The following RFTN2 variants were observed in gnomAD, a reference collection of about 807,000 sequenced individuals.
RFTN2 encodes the protein raftlin family member 2.
Under a neutral mutation model 52.7 loss-of-function variants are expected in RFTN2, and 34 were observed. The observed-to-expected ratio is 0.64, with a 90% CI of 0.49 to 0.86. RFTN2 has a LOEUF of 0.86. Among genes scored for constraint, RFTN2 ranks in the 40% least tolerant of loss-of-function variants. The probability of loss-of-function intolerance (pLI) is 0.00; values close to 1 mark genes in which losing one functional copy is unlikely to be tolerated. For synonymous variants in RFTN2, 203 were observed against 217.7 expected, an observed-to-expected ratio of 0.93 and a Z score of 0.59; for missense variants, 536 against 600.1, an observed-to-expected ratio of 0.89 and a Z score of 1.12.
At chr2:197,638,928 A>G (rs1368928241) in intron 3 of RFTN2, among the ~76,000 whole-genome samples, 2 of 151,382 alleles carry the variant, frequency 1.3e-5, no homozygotes, top group Non-Finnish European at 2.9e-5. Context: ...CTTTTTGGGC[A>G]GGCCTGGTCA....
chr2:197,659,952 C>T (rs1314668000), intron 1 of RFTN2, among the ~76,000 whole-genome samples: 2 of 152,094 alleles, frequency 1.3e-5, no homozygotes, highest in Non-Finnish European at 2.9e-5. Flanking sequence ...TTGTGCGAGC[C>T]AATATGTGAA....
At chr2:197,639,996 G>C (rs1416830230) in intron 3 of RFTN2, among the ~76,000 whole-genome samples, 1 of 152,136 alleles carries the variant, frequency 6.6e-6, no homozygotes, top group East Asian at 1.9e-4. Context: ...GGAATACCCT[G>C]CCGTGTGAGA....
chr2:197,573,350 G>T (rs2087351011), intron 8 of RFTN2, among the ~76,000 whole-genome samples: 1 of 152,190 alleles, frequency 6.6e-6, no homozygotes, highest in African/African-American at 2.4e-5. Context: ...GAGCAAAGGT[G>T]TCTCTTGCTA....
chr2:197,622,452 C>T (rs1203555208), intron 5 of RFTN2, among the ~76,000 whole-genome samples: 2 of 152,214 alleles, frequency 1.3e-5, no homozygotes, highest in African/African-American at 4.8e-5. Flanking sequence ...ATTATAGGCA[C>T]ACACCACCAA....
intron 8 of RFTN2, among the ~76,000 whole-genome samples, chr2:197,582,603 C>G (rs1194652295): frequency 6.6e-6 from 1 of 152,242 alleles, no homozygotes; most frequent in East Asian, 1.9e-4. Flanking sequence ...ATTGCCTTCA[C>G]TCAAGCCCTC....
At chr2:197,597,202 G>C (rs2087805543) in intron 7 of RFTN2, among the ~76,000 whole-genome samples, 1 of 152,170 alleles carries the variant, frequency 6.6e-6, no homozygotes, top group South Asian at 2.1e-4. Flanking sequence ...GATAACAGGA[G>C]ACTGCTTCTT....
chr2:197,629,560 A>G (rs972440590), intron 5 of RFTN2, among the ~76,000 whole-genome samples: 8 of 152,048 alleles, frequency 5.3e-5, no homozygotes, highest in African/African-American at 1.9e-4. Context: ...AAACCTGCAC[A>G]TTGTGCACAT....
intron 1 of RFTN2, among the ~76,000 whole-genome samples, chr2:197,663,829 C>T (rs1479079531): frequency 2.0e-5 from 3 of 151,216 alleles, no homozygotes. Flanking sequence ...TTATTTTTTC[C>T]TTTTACTAAT....
chr2:197,597,823 G>A (rs756875559), intron 7 of RFTN2, among the ~76,000 whole-genome samples: 1 of 152,118 alleles, frequency 6.6e-6, no homozygotes, highest in Non-Finnish European at 1.5e-5. Flanking sequence ...CAGCCTCTCT[G>A]ATTTTTTTCT....
intron 8 of RFTN2, among the ~76,000 whole-genome samples, chr2:197,587,016 TC>T (rs2087610521): frequency 6.6e-6 from 1 of 152,232 alleles, no homozygotes; most frequent in Non-Finnish European, 1.5e-5. Flanking sequence ...TCCTGGGTCC[TC>T]CCAATTCTTA....
rs960436790 is a variant in RFTN2, at chr2:197,568,792, A to G, written c.*3216T>C. The G allele has an allele frequency of 2.0e-5, 3 of 152,226 alleles. No homozygotes were observed. Among genetic ancestry groups the G allele is most frequent in the East Asian group, 1.9e-4 (1 of 5,202 alleles). The allele number at this position is 152,226 out of a possible 1,614,324, so 9.4% of individuals were successfully genotyped here. A position where few individuals can be genotyped will look rare whatever the true frequency, so the allele number is the denominator to read the frequency against. On this transcript the variant is annotated 3_prime_UTR_variant, in exon 9 of 9. Transcript: ENST00000295049. ...AAGAAGGAATGGTGGTGAGGAATCA[A>G]TAACAGGCAAGGGCGGGAAAACGGG...
In RFTN2 at chr2:197,654,300, C is replaced by T. The variant is rs139824093; in HGVS notation, c.140-7634G>A. Among the ~76,000 whole-genome samples the T allele has an allele frequency of 3.5e-4, 53 of 152,208 alleles. No individual in the cohort carries two copies. The East Asian group carries it at 8.3e-3, about 24-fold the overall frequency. On this transcript the variant is annotated intron_variant, in intron 1 of 8. Coordinates refer to ENST00000295049, the MANE Select transcript of RFTN2 (RefSeq NM_144629.3). ...TACTTGGGGGCTGAGGTGGGAGGAT[C>T]GCTTAAGCCCAGGAGTTTGAGGCTG...
At chr2:197,600,198 G>A (rs1315432387) in intron 7 of RFTN2, among the ~76,000 whole-genome samples, 1 of 152,136 alleles carries the variant, frequency 6.6e-6, no homozygotes, top group Non-Finnish European at 1.5e-5. Context: ...AAACTGACGA[G>A]TAATGCCTTC....
intron 1 of RFTN2, among the ~76,000 whole-genome samples, chr2:197,659,226 C>A (rs182563313): frequency 3.9e-5 from 6 of 152,098 alleles, no homozygotes; most frequent in Admixed American, 6.6e-5. Context: ...TAGGGCCAGG[C>A]ATGATGGCTC....
chr2:197,651,954 G>T (rs909091419), intron 1 of RFTN2, among the ~76,000 whole-genome samples: 4 of 152,174 alleles, frequency 2.6e-5, no homozygotes, highest in African/African-American at 9.7e-5. Context: ...CATGACTAAA[G>T]TGAAACACAA....
chr2:197,640,238 C>G (rs1223827945), intron 3 of RFTN2, among the ~76,000 whole-genome samples: 1 of 152,192 alleles, frequency 6.6e-6, no homozygotes, highest in African/African-American at 2.4e-5. Context: ...GCAGGCAGGC[C>G]TCCTTGAGCT....
chr2:197,629,696 A>ACACACACACACC (rs1325493901), intron 5 of RFTN2, among the ~76,000 whole-genome samples: 2 of 134,670 alleles, frequency 1.5e-5, no homozygotes, highest in African/African-American at 5.2e-5. Flanking sequence ...ACACACACAC[A>ACACACACACACC]CACATATTTA....
chr2:197,653,588 AT>A (rs1480068776), intron 1 of RFTN2, among the ~76,000 whole-genome samples: 2 of 151,850 alleles, frequency 1.3e-5, no homozygotes, highest in Non-Finnish European at 2.9e-5. Flanking sequence ...GGTGAAAGAG[AT>A]TTTTGTTCAA....
chr2:197,637,560 T>A (rs1428990205), intron 3 of RFTN2, among the ~76,000 whole-genome samples: 1 of 152,234 alleles, frequency 6.6e-6, no homozygotes, highest in Non-Finnish European at 1.5e-5. Context: ...GATGGTAGTT[T>A]GTATTTCTGT....
Sources: gnomAD v4.1 joint callset for allele counts (sites outside exome capture counted in the v4.1 genomes callset) on GRCh38, gnomAD v4.1.1 for gene constraint, MANE v1.5 for transcripts, NCBI Gene and HGNC (gene_info 2026-07-23, HGNC 2026-07-21) for gene names.